The following FYB2 variants were observed in gnomAD, a reference collection of about 807,000 sequenced individuals.
FYB2 encodes the protein FYN-binding protein 2.
Under a neutral mutation model 94.1 loss-of-function variants are expected in FYB2, and 103 were observed. That is an observed-to-expected ratio of 1.09 (90% confidence interval 0.93 to 1.29). FYB2 has a LOEUF of 1.29. FYB2 is among the 50% of genes most tolerant of loss of function. The pLI is 0.00. For synonymous variants in FYB2, 293 were observed against 287.9 expected (o/e 1.02, Z -0.18); for missense variants, 896 against 841.5 (o/e 1.06, Z -0.80).
intron 17 of FYB2, among the ~76,000 whole-genome samples, chr1:56,722,556 C>G (rs1378290727): frequency 1.3e-5 from 2 of 151,924 alleles, no homozygotes; most frequent in Admixed American, 1.3e-4. Context: ...AATGAACGAG[C>G]TAGTCAGATA....
chr1:56,749,773 G>T (rs961908096), intron 9 of FYB2, among the ~76,000 whole-genome samples: 1 of 151,910 alleles, frequency 6.6e-6, no homozygotes, highest in Non-Finnish European at 1.5e-5. Flanking sequence ...TTTGAAATCT[G>T]GGATGAAACT....
chr1:56,826,770 C>G, the FYB2 span: 1 of 152,218 alleles, frequency 6.6e-6, no homozygotes. Flanking sequence ...AAACTCACCA[C>G]CCTCCCAAGT....
intron 2 of FYB2, among the ~76,000 whole-genome samples, 199 bp downstream of exon 2, chr1:56,791,857 C>A (rs1180199600): frequency 6.6e-6 from 1 of 152,116 alleles, no homozygotes; most frequent in East Asian, 1.9e-4. Flanking sequence ...AGCTATCTCA[C>A]AAAGCAATTC....
intron 6 of FYB2, among the ~76,000 whole-genome samples, chr1:56,758,060 T>G (rs1645401271): frequency 6.6e-6 from 1 of 151,886 alleles, no homozygotes; most frequent in African/African-American, 2.4e-5. Flanking sequence ...CTTATAGGCA[T>G]GAGCCACTAT....
chr1:56,774,977 C>G (rs935417982), intron 4 of FYB2, among the ~76,000 whole-genome samples: 1 of 152,070 alleles, frequency 6.6e-6, no homozygotes, highest in Non-Finnish European at 1.5e-5. Context: ...CTCAGGCCTT[C>G]AGCCACAGAC....
At chr1:56,786,419 A>G (rs1646133808) in intron 4 of FYB2, among the ~76,000 whole-genome samples, 1 of 152,254 alleles carries the variant, frequency 6.6e-6, no homozygotes, top group Non-Finnish European at 1.5e-5. Flanking sequence ...TACAAAACTT[A>G]ACACACTTTA....
intron 5 of FYB2, among the ~76,000 whole-genome samples, chr1:56,762,369 G>A (rs1015010432): frequency 6.6e-6 from 1 of 151,974 alleles, no homozygotes; most frequent in African/African-American, 2.4e-5. Flanking sequence ...CATAAACATG[G>A]TATGTCTCTC....
chr1:56,799,864 G>C lies in FYB2; in HGVS notation c.10-7061C>G, dbSNP rs542316204. On this transcript the variant is annotated intron_variant, in intron 1 of 19. Coordinates refer to ENST00000343433, the MANE Select transcript of FYB2 (RefSeq NM_001004303.5). The stretch of plus-strand genomic sequence containing the variant: ...TTGCACTGCACAGCAAGCTGCCTTG[G>C]ACAAGGACTGCAGGTGCTCAATAAG... Among the ~76,000 whole-genome samples the C allele has an allele frequency of 1.4e-4, 21 of 152,282 alleles. No homozygotes were observed. In the South Asian group the frequency reaches 3.7e-3, roughly 27 times the overall value.
intron 8 of FYB2, among the ~76,000 whole-genome samples, chr1:56,752,382 A>G (rs962922104): frequency 6.6e-6 from 1 of 152,020 alleles, no homozygotes; most frequent in African/African-American, 2.4e-5. Context: ...AATGAGAGAA[A>G]GGTAATTGTC....
intron 4 of FYB2, among the ~76,000 whole-genome samples, chr1:56,769,457 T>C (rs1192896661): frequency 6.6e-6 from 1 of 152,028 alleles, no homozygotes; most frequent in African/African-American, 2.4e-5. Flanking sequence ...CCAACATACA[T>C]ATATTAAGGA....
chr1:56,721,059 G>T (rs1446399965), intron 17 of FYB2, among the ~76,000 whole-genome samples: 1 of 152,026 alleles, frequency 6.6e-6, no homozygotes, highest in African/African-American at 2.4e-5. Context: ...ACTGTATCCA[G>T]TTGGGGGCAA....
chr1:56,739,272 G>A (rs1644897628), intron 13 of FYB2, among the ~76,000 whole-genome samples: 1 of 152,068 alleles, frequency 6.6e-6, no homozygotes, highest in South Asian at 2.1e-4. Flanking sequence ...GGGACTGCCG[G>A]TTATCATGCC....
chr1:56,807,453 A>G (rs1646673597), intron 1 of FYB2, among the ~76,000 whole-genome samples: 1 of 152,220 alleles, frequency 6.6e-6, no homozygotes, highest in Admixed American at 6.5e-5. Context: ...TTTAAAGAAG[A>G]TAAAGGAGCC....
chr1:56,744,845 A>G (rs1645034210), intron 9 of FYB2, among the ~76,000 whole-genome samples: 1 of 152,054 alleles, frequency 6.6e-6, no homozygotes, highest in African/African-American at 2.4e-5. Flanking sequence ...TGTCATAACC[A>G]TAAAACTGCC....
intron 11 of FYB2, among the ~76,000 whole-genome samples, chr1:56,742,729 A>G (rs1033559159): frequency 6.6e-6 from 1 of 152,072 alleles, no homozygotes; most frequent in Non-Finnish European, 1.5e-5. Flanking sequence ...TTTGAATATC[A>G]GGGTCAGGAT....
At position 56,792,062 on chromosome 1, in the gene FYB2, C is replaced by T. The variant is rs776203870; in HGVS notation, c.751G>A (p.Ala251Thr). Residue 251 changes from alanine (A) to threonine (T), a missense_variant, in exon 2 of 20, where the codon GCC becomes ACC. Transcript: ENST00000343433. The part of the protein sequence containing the change: ...PIYECELASQ[A>T]PEKQPDVRHH... ...TGGGGATCACGTTTGTTACCTGGGG[C>T]CTGACTGGCAAGCTCACACTCATAG... is the stretch of plus-strand genomic sequence containing the variant. 2 of 1,577,690 alleles carry T rather than the reference C, an allele frequency of 1.3e-6. No homozygotes were observed. The highest frequency in any genetic ancestry group is 1.9e-5 in the Admixed American group (1 of 53,354).
upstream of FYB2, among the ~76,000 whole-genome samples, chr1:56,821,286 C>T (rs1201589959): frequency 6.6e-6 from 1 of 152,176 alleles, no homozygotes; most frequent in Non-Finnish European, 1.5e-5. Flanking sequence ...CTCTCATCTC[C>T]GCCTTCCTGG....
At chr1:56,781,848 A>G (rs529730720) in intron 4 of FYB2, among the ~76,000 whole-genome samples, 3 of 152,210 alleles carry the variant, frequency 2.0e-5, no homozygotes, top group Non-Finnish European at 4.4e-5. Context: ...CTCCTTTAAA[A>G]TGTCCTAAGC....
chr1:56,806,630 T>A (rs917272188), intron 1 of FYB2, among the ~76,000 whole-genome samples: 3 of 151,966 alleles, frequency 2.0e-5, no homozygotes, highest in Non-Finnish European at 2.9e-5. Context: ...AACCTTCAAA[T>A]CCCCTCACTC....
Sources: gnomAD v4.1 joint callset for allele counts (sites outside exome capture counted in the v4.1 genomes callset) on GRCh38, gnomAD v4.1.1 for gene constraint, MANE v1.5 for transcripts, NCBI Gene and HGNC (gene_info 2026-07-23, HGNC 2026-07-21) for gene names.